Variants in CDH18 observed in about 807,000 individuals in gnomAD.
CDH18 encodes the protein cadherin 18, also known as cadherin-18.
In CDH18, 31 loss-of-function variants were observed where a neutral mutation model predicts 67.9. The ratio of observed to expected loss-of-function variants is 0.46; its 90% CI spans 0.34 to 0.62. The LOEUF (loss-of-function observed/expected upper bound fraction) is 0.62, where lower values mean the gene tolerates loss of function less well. Among genes scored for constraint, CDH18 ranks in the 20% least tolerant of loss-of-function variants. The probability of loss-of-function intolerance (pLI) is 0.01; values close to 1 mark genes in which losing one functional copy is unlikely to be tolerated. For synonymous variants in CDH18, 362 were observed against 347.2 expected (o/e 1.04, Z -0.48); for missense variants, 890 against 975.5 (o/e 0.91, Z 1.17).
chr5:19,592,196 A>G (rs1236167393), intron 6 of CDH18, among the ~76,000 whole-genome samples: 2 of 152,006 alleles, frequency 1.3e-5, no homozygotes, highest in Admixed American at 1.3e-4. Context: ...ATGGATAGAT[A>G]GACAGATAGA....
At chr5:19,831,101 G>T (rs774893080) in intron 3 of CDH18, among the ~76,000 whole-genome samples, 14 of 151,992 alleles carry the variant, frequency 9.2e-5, no homozygotes, top group South Asian at 2.1e-4. Context: ...CTTATTACCT[G>T]GGTAATGAAA....
intron 3 of CDH18, among the ~76,000 whole-genome samples, chr5:19,826,132 C>T (rs111687537): frequency 9.7e-6 from 1 of 103,160 alleles, no homozygotes; most frequent in Non-Finnish European, 2.3e-5. Flanking sequence ...GAAATAATCT[C>T]AGACTCAAAG....
chr5:19,897,843 A>G (rs9647534), intron 2 of CDH18, among the ~76,000 whole-genome samples: 760 of 152,228 alleles, frequency 5.0e-3, no homozygotes, highest in Non-Finnish European at 8.2e-3. Flanking sequence ...AATCTGGTAA[A>G]TTAATCTATG....
rs1381774942 is a variant in CDH18 at position 20,095,654 on chromosome 5, A to AT, written c.-517-103641dup. Among the ~76,000 whole-genome samples, 174 of 150,254 alleles carry AT rather than the reference A, an allele frequency of 1.2e-3. 1 individual carries two copies. The highest frequency in any genetic ancestry group is 9.9e-3 in the South Asian group (47 of 4,754). ...AGGCAGTAACATTCATGGCCTGTAAATTTTTTTTTTCAAAGTTGCTGGTTA... is the reference window on the plus strand; with the variant it reads ...AGGCAGTAACATTCATGGCCTGTAAATTTTTTTTTTTCAAAGTTGCTGGTTA... On this transcript the variant is annotated intron_variant, in intron 2 of 14. Transcript: ENST00000507958.
chr5:19,494,083 A>G (rs1741906138), intron 11 of CDH18, among the ~76,000 whole-genome samples: 1 of 152,140 alleles, frequency 6.6e-6, no homozygotes, highest in African/African-American at 2.4e-5. Context: ...GACACTATCT[A>G]CTACTTTTAC....
intron 4 of CDH18, among the ~76,000 whole-genome samples, chr5:19,745,695 T>A (rs1447014582): frequency 2.0e-5 from 3 of 152,148 alleles, no homozygotes; most frequent in African/African-American, 7.2e-5. Flanking sequence ...CTTAGGCTCC[T>A]GCAGGCTGGT....
intron 3 of CDH18, among the ~76,000 whole-genome samples, chr5:19,749,073 T>C (rs1223554090): frequency 6.6e-6 from 1 of 152,076 alleles, no homozygotes; most frequent in Non-Finnish European, 1.5e-5. Flanking sequence ...AAAATGTGTT[T>C]ATTTATTTAT....
chr5:20,027,290 T>C (rs1404916661), intron 2 of CDH18, among the ~76,000 whole-genome samples: 1 of 152,176 alleles, frequency 6.6e-6, no homozygotes, highest in African/African-American at 2.4e-5. Context: ...GAGTCTTAGG[T>C]TGATATATAA....
At chr5:20,567,897 A>G (rs1222024749) in intron 1 of CDH18, among the ~76,000 whole-genome samples, 1 of 152,146 alleles carries the variant, frequency 6.6e-6, no homozygotes, top group Middle Eastern at 3.2e-3. Flanking sequence ...ATAAAATGTC[A>G]TATTTAGGAC....
At chr5:20,056,753 G>A (rs1242332748) in intron 2 of CDH18, among the ~76,000 whole-genome samples, 5 of 135,166 alleles carry the variant, frequency 3.7e-5, no homozygotes, top group Non-Finnish European at 1.5e-5. Flanking sequence ...GTGCGATCTC[G>A]GCTCACTGCA....
intron 2 of CDH18, among the ~76,000 whole-genome samples, chr5:20,250,002 C>A (rs1052876355): frequency 6.6e-6 from 1 of 151,788 alleles, no homozygotes; most frequent in Non-Finnish European, 1.5e-5. Flanking sequence ...AAAAAATTTC[C>A]TTTTTCAGGG....
intron 1 of CDH18, among the ~76,000 whole-genome samples, chr5:20,570,804 T>C (rs1758771925): frequency 6.6e-6 from 1 of 152,134 alleles, no homozygotes; most frequent in Admixed American, 6.5e-5. Context: ...ATTCTATTTC[T>C]ATGTTATTCT....
At chr5:20,004,984 A>C (rs1736774064) in intron 2 of CDH18, among the ~76,000 whole-genome samples, 2 of 152,210 alleles carry the variant, frequency 1.3e-5, no homozygotes, top group South Asian at 4.1e-4. Context: ...AATAGAAAGT[A>C]AATTTGAAGA....
intron 5 of CDH18, among the ~76,000 whole-genome samples, chr5:19,621,299 A>G (rs2150141866): frequency 6.8e-6 from 1 of 147,712 alleles, no homozygotes; most frequent in Admixed American, 6.8e-5. Flanking sequence ...TTGAATTCCT[A>G]TGCCGTTTCA....
intron 2 of CDH18, among the ~76,000 whole-genome samples, chr5:20,164,909 C>T (rs781205998): frequency 1.3e-5 from 2 of 152,154 alleles, no homozygotes; most frequent in Admixed American, 6.6e-5. Flanking sequence ...TTCATCTGCA[C>T]CATTCTTATT....
rs1202986106 is a variant in CDH18, at chr5:19,891,172, C to A, written c.-256-51930G>T. ...TCTAAATGATATAGTCTTCAATATG[C>A]CTTTATCTGTGGATCTAAGAATCTT... is the stretch of plus-strand genomic sequence containing the variant. On this transcript the variant is annotated intron_variant, in intron 2 of 12. Coordinates refer to ENST00000382275, the MANE Select transcript of CDH18 (RefSeq NM_004934.5). Among the ~76,000 whole-genome samples the A allele has an allele frequency of 2.0e-5, 3 of 152,228 alleles. No individual in the cohort carries two copies. The East Asian group carries it at 5.8e-4, about 29-fold the overall frequency.
chr5:20,475,969 A>C (rs58226502), intron 1 of CDH18, among the ~76,000 whole-genome samples: 14,757 of 152,174 alleles, frequency 0.097, 2,280 homozygotes, highest in African/African-American at 0.33. Context: ...CAGGAGTCTG[A>C]AAAACTAGAC....
chr5:19,961,748 G>A (rs1796925963), intron 2 of CDH18, among the ~76,000 whole-genome samples: 1 of 151,618 alleles, frequency 6.6e-6, no homozygotes, highest in South Asian at 2.1e-4. Context: ...TTAATGTTTC[G>A]ATACATACCA....
intron 1 of CDH18, among the ~76,000 whole-genome samples, chr5:20,377,021 A>AG (rs1207719294): frequency 6.6e-6 from 1 of 151,478 alleles, no homozygotes; most frequent in Non-Finnish European, 1.5e-5. Flanking sequence ...CCGTCTCAAA[A>AG]AAAAAAAAAA....
Sources: gnomAD v4.1 joint callset for allele counts (sites outside exome capture counted in the v4.1 genomes callset) on GRCh38, gnomAD v4.1.1 for gene constraint, MANE v1.5 for transcripts, NCBI Gene and HGNC (gene_info 2026-07-23, HGNC 2026-07-21) for gene names.